ENPP1: variants seen among roughly 807,000 people sequenced by gnomAD.
ENPP1 encodes the protein ectonucleotide pyrophosphatase/phosphodiesterase 1.
Under a neutral mutation model 122.8 loss-of-function variants are expected in ENPP1, and 73 were observed. That is an observed-to-expected ratio of 0.59 (90% CI 0.49 to 0.72). ENPP1 has a LOEUF of 0.72. ENPP1 is among the 30% of genes least tolerant of loss of function. The pLI, the probability that ENPP1 is intolerant of heterozygous loss-of-function variation, is 0.00. For missense variants in ENPP1, 978 were observed against 1,128.1 expected, an observed-to-expected ratio of 0.87 and a Z score of 1.91; for synonymous variants, 367 against 391.6, an observed-to-expected ratio of 0.94 and a Z score of 0.74.
At chr6:131,847,679 C>A in intron 1 of ENPP1, 97 bp from the exon 2 acceptor site, 1 of 867,040 alleles carries the variant, frequency 1.2e-6, no homozygotes. Flanking sequence ...GTACCCTAGC[C>A]TGGGTAACAG....
In ENPP1 at chr6:131,882,404, T is replaced by G; in HGVS notation, c.2160T>G (p.Leu720=). ...NCLYQDFRIP[L]SPVHKCSFYK... ...TGTACCAGGACTTTAGAATTCCTCTTAGTCCTGTCCATAAATGTTCATTTT... is the reference window on the plus strand; with the variant it reads ...TGTACCAGGACTTTAGAATTCCTCTGAGTCCTGTCCATAAATGTTCATTTT... The change falls in exon 21 of 25, where the codon CTT becomes CTG. Residue 720 remains leucine, a synonymous_variant. Transcript: ENST00000647893. The G allele has an allele frequency of 6.2e-7, 1 of 1,604,382 alleles. No homozygotes were observed. The highest frequency in any genetic ancestry group is 1.1e-5 in the South Asian group (1 of 90,890).
chr6:131,875,638 A>G, intron 16 of ENPP1, 138 bp from the exon 17 acceptor site: 1 of 706,412 alleles, frequency 1.4e-6, no homozygotes, highest in Non-Finnish European at 2.6e-6. Context: ...ATTTCCCACA[A>G]AGTCCACTGA....
At chr6:131,884,661 G>C (rs1403949816) in intron 22 of ENPP1, among the ~76,000 whole-genome samples, 3 of 152,108 alleles carry the variant, frequency 2.0e-5, no homozygotes, top group Non-Finnish European at 4.4e-5. Flanking sequence ...TGTAGTCCTA[G>C]CTATTCTGGA....
chr6:131,867,040 T>C lies in ENPP1; in HGVS notation c.1165-978T>C, dbSNP rs559179083. ...GTGCCAAAGCACTTGCTTTTCTGAG[T>C]CATCTTCATTTAAGGTTGAGCCCAT... On this transcript the variant is annotated intron_variant, in intron 11 of 24. Transcript: ENST00000647893. Among the ~76,000 whole-genome samples, 3 of 152,304 alleles carry C rather than the reference T, an allele frequency of 2.0e-5. No individual in the cohort carries two copies. In the South Asian group the frequency reaches 6.2e-4, roughly 32 times the overall value.
At chr6:131,877,867 ATATATATATATATATAT>A (rs1216788706) in intron 18 of ENPP1, 12 of 30,668 alleles carry the variant, frequency 3.9e-4, no homozygotes, top group Non-Finnish European at 4.5e-4. Flanking sequence ...AAAAAAAAAA[ATATATATATATATATAT>A]ATATATATAT....
intron 1 of ENPP1, chr6:131,820,131 T>G: frequency 2.6e-6 from 1 of 380,096 alleles, no homozygotes; most frequent in Non-Finnish European, 5.0e-6. Flanking sequence ...TGGTCATAGT[T>G]TAAGAGATTA....
intron 1 of ENPP1, among the ~76,000 whole-genome samples, chr6:131,836,117 C>CTTT (rs35069563): frequency 1.2e-4 from 17 of 143,760 alleles, no homozygotes; most frequent in East Asian, 2.0e-4. Flanking sequence ...GTGTGGTTTT[C>CTTT]TTTTTTTTTT....
intron 8 of ENPP1, among the ~76,000 whole-genome samples, 160 bp from the exon 9 acceptor site, chr6:131,861,435 A>G (rs1782021792): frequency 1.3e-5 from 2 of 152,186 alleles, no homozygotes; most frequent in Admixed American, 6.5e-5. Flanking sequence ...GCTGCTTAAG[A>G]GTCATATTAC....
Position 131,847,799 on chromosome 6 carries a change from A to G in ENPP1, c.264A>G (p.Thr88=), listed in dbSNP as rs1781828805. 1.2e-6 allele frequency: 2 copies of G among 1,612,032 alleles called. No individual in the cohort carries two copies. The highest frequency in any genetic ancestry group is 2.2e-5 in the South Asian group (2 of 90,986). The change falls in exon 2 of 25, where the codon ACA becomes ACG. Residue 88 remains threonine (T), a synonymous_variant. Transcript: ENST00000647893. ...LSLVLSVCVL[T]TILGCIFGLK... ...AGGTATTGTCAGTATGTGTGTTAAC[A>G]ACAATACTTGGTTGTATATTTGGGT...
At position 131,894,342 on chromosome 6, in the gene ENPP1, G is replaced by C. The variant is rs1782516413; in HGVS notation, c.*3831G>C. The C allele has an allele frequency of 6.6e-6, 1 of 151,156 alleles. No individual in the cohort carries two copies. The highest frequency in any genetic ancestry group is 2.5e-5 in the African/African-American group (1 of 40,670). 9.4% of individuals were successfully genotyped at this position (151,156 alleles called of 1,614,324 possible). A position where few individuals can be genotyped will look rare whatever the true frequency, so the allele number is the denominator to read the frequency against. On this transcript the variant is annotated 3_prime_UTR_variant, in exon 25 of 25. Coordinates refer to ENST00000647893, the MANE Select transcript of ENPP1 (RefSeq NM_006208.3). ...GCTCTGTGGCCCAGGCTAGACTGCAGTGGCATGATCTCGGCTCACTGCAAC... is the reference window on the plus strand; with the variant it reads ...GCTCTGTGGCCCAGGCTAGACTGCACTGGCATGATCTCGGCTCACTGCAAC...
At chr6:131,865,751 T>C (rs1053837167) in intron 11 of ENPP1, among the ~76,000 whole-genome samples, 2 of 152,102 alleles carry the variant, frequency 1.3e-5, no homozygotes, top group African/African-American at 4.8e-5. Context: ...CCCAGCACTT[T>C]GGGAGGCTGA....
At chr6:131,886,755 G>A in intron 24 of ENPP1, 31 bp downstream of exon 24, 1 of 1,598,028 alleles carries the variant, frequency 6.3e-7, no homozygotes, top group Non-Finnish European at 8.6e-7. Flanking sequence ...TACTTTGCAT[G>A]TTGAAAATCT....
chr6:131,813,071 G>C (rs1765160616), intron 1 of ENPP1, among the ~76,000 whole-genome samples: 1 of 152,100 alleles, frequency 6.6e-6, no homozygotes, highest in African/African-American at 2.4e-5. Flanking sequence ...GAACTCCTGA[G>C]CTCAGGAATT....
At chr6:131,856,219 A>T (rs1215844420) in intron 6 of ENPP1, among the ~76,000 whole-genome samples, 1 of 152,190 alleles carries the variant, frequency 6.6e-6, no homozygotes, top group East Asian at 1.9e-4. Context: ...TGAAGTTTAA[A>T]TACAGCCCTT....
chr6:131,811,402 ATATC>A (rs1406782546), intron 1 of ENPP1, among the ~76,000 whole-genome samples: 1 of 147,258 alleles, frequency 6.8e-6, no homozygotes, highest in African/African-American at 2.5e-5. Flanking sequence ...ATCTATATCT[ATATC>A]TATATCTATA....
Position 131,869,484 on chromosome 6 carries a change from A to G in ENPP1, c.1400A>G (p.Tyr467Cys). The change falls in exon 13 of 25, where the codon TAT becomes TGT. Residue 467 changes from tyrosine (Y) to cysteine (C), a missense_variant. By Grantham distance (194) the Tyr-to-Cys change is radical. Around this residue, in one of 3 missense-constraint regions of ENPP1, gnomAD observed 644 missense variants for 781.5 expected, o/e 0.82. Coordinates refer to ENST00000647893, the MANE Select transcript of ENPP1 (RefSeq NM_006208.3). ...CCCTCTGATGTCCCAGATAAATACTATTCATGTAAGTATATCTCTGTGATA... is the reference window on the plus strand; with the variant it reads ...CCCTCTGATGTCCCAGATAAATACTGTTCATGTAAGTATATCTCTGTGATA... ...LRPSDVPDKY[Y>C]SFNYEGIARN... 3 of 1,613,280 alleles carry G rather than the reference A, an allele frequency of 1.9e-6. No homozygotes were observed. Among genetic ancestry groups the G allele is most frequent in the Non-Finnish European group, 2.5e-6 (3 of 1,179,336 alleles).
At chr6:131,865,846 A>T (rs546305080) in intron 11 of ENPP1, among the ~76,000 whole-genome samples, 37 of 152,196 alleles carry the variant, frequency 2.4e-4, no homozygotes, top group Middle Eastern at 3.4e-3. Context: ...ATACAAAAAA[A>T]TTAGCCGGGC....
intron 1 of ENPP1, among the ~76,000 whole-genome samples, chr6:131,841,359 C>T (rs1781737484): frequency 6.6e-6 from 1 of 152,166 alleles, no homozygotes; most frequent in Admixed American, 6.5e-5. Flanking sequence ...CAACTTTGGT[C>T]AAAGATCAGA....
intron 1 of ENPP1, among the ~76,000 whole-genome samples, chr6:131,844,465 G>A (rs945519261): frequency 3.3e-5 from 5 of 151,740 alleles, no homozygotes; most frequent in African/African-American, 1.2e-4. Flanking sequence ...GCATCTTTTA[G>A]TCAGTTCATG....
Sources: gnomAD v4.1 joint callset for allele counts (sites outside exome capture counted in the v4.1 genomes callset) on GRCh38, gnomAD v4.1.1 for gene constraint, gnomAD v4.1.1 regional missense constraint, MANE v1.5 for transcripts, NCBI Gene and HGNC (gene_info 2026-07-23, HGNC 2026-07-21) for gene names.